Variants in MMP16 observed in about 807,000 individuals in gnomAD.
The protein encoded by MMP16 is matrix metalloproteinase-16.
A neutral mutation model predicts 67.8 loss-of-function variants in MMP16; 12 were observed. The observed-to-expected ratio is 0.18, with a 90% CI of 0.11 to 0.29. The LOEUF (loss-of-function observed/expected upper bound fraction) is 0.29. Ranked by LOEUF, MMP16 falls within the 10% of genes least tolerant of loss-of-function variation. MMP16 has a pLI of 1.00. For synonymous variants in MMP16, 249 were observed against 255.9 expected (o/e 0.97, Z 0.26); for missense variants, 475 against 765.7 (o/e 0.62, Z 4.48).
chr8:88,124,306 T>G (rs926093655), intron 4 of MMP16, among the ~76,000 whole-genome samples: 5 of 151,884 alleles, frequency 3.3e-5, no homozygotes, highest in African/African-American at 1.2e-4. Context: ...CCAAGTAGAG[T>G]ACTAGGTACT....
At position 88,178,122 on chromosome 8, in the gene MMP16, C is replaced by G. The variant is rs189635004; in HGVS notation, c.404+8354G>C. ...CATCAAAGGCTTATTACCTCATTTC[C>G]TATTACTCAATATCTTCCCACTTTC... On this transcript the variant is annotated intron_variant, in intron 3 of 9. Transcript: ENST00000286614. 9.4e-4 allele frequency among the ~76,000 whole-genome samples: 143 copies of G among 152,220 alleles called. 1 individual carries two copies. The highest frequency in any genetic ancestry group is 3.3e-3 in the African/African-American group (139 of 41,550).
chr8:88,118,759 A>C lies in MMP16; in HGVS notation c.812T>G (p.Met271Arg). Residue 271 changes from methionine (M) to arginine (R), a missense_variant, in exon 5 of 10, where the codon ATG (methionine) becomes AGG (arginine). Coordinates refer to ENST00000286614, the MANE Select transcript of MMP16 (RefSeq NM_005941.5). ...AGGTAGTTTGAAGTTGTCTGTTTCC[A>C]TGTACTGGTAAAATGGAGCCATGAT... ...TAIMAPFYQY[M>R]ETDNFKLPND... The C allele has an allele frequency of 6.2e-7, 1 of 1,613,466 alleles. No homozygotes were observed.
chr8:88,239,530 T>A (rs993916178), intron 1 of MMP16, among the ~76,000 whole-genome samples: 4 of 42 alleles, frequency 0.095, no homozygotes, highest in Admixed American at 0.5. Flanking sequence ...TGTTATAAAA[T>A]TTTTTTTTTT....
intron 4 of MMP16, among the ~76,000 whole-genome samples, chr8:88,148,514 T>C (rs1372924434): frequency 6.6e-6 from 1 of 152,214 alleles, no homozygotes; most frequent in Non-Finnish European, 1.5e-5. Flanking sequence ...TGTATCATTT[T>C]GTCCACATCC....
At chr8:88,108,717 A>G (rs1809284144) in intron 6 of MMP16, among the ~76,000 whole-genome samples, 1 of 151,334 alleles carries the variant, frequency 6.6e-6, no homozygotes, top group Non-Finnish European at 1.5e-5. Context: ...TTAGAATCTT[A>G]AAGTGTAAGG....
intron 3 of MMP16, 48 bp from the exon 4 acceptor site, chr8:88,168,021 C>A: frequency 4.2e-6 from 6 of 1,427,668 alleles, no homozygotes; most frequent in Non-Finnish European, 5.7e-6. Flanking sequence ...TATAAGCTAA[C>A]TTAGTACAGG....
At chr8:88,194,820 C>T (rs1809224808) in intron 2 of MMP16, among the ~76,000 whole-genome samples, 1 of 152,062 alleles carries the variant, frequency 6.6e-6, no homozygotes, top group African/African-American at 2.4e-5. Context: ...AAAATCCAAA[C>T]CTGAATTAGA....
At chr8:88,235,203 C>T (rs746904587) in intron 1 of MMP16, among the ~76,000 whole-genome samples, 1 of 152,004 alleles carries the variant, frequency 6.6e-6, no homozygotes, top group African/African-American at 2.4e-5. Flanking sequence ...ACCAGCCTGG[C>T]CAACGTGGTA....
chr8:88,062,425 A>G (rs1808411271), intron 7 of MMP16, among the ~76,000 whole-genome samples: 1 of 152,158 alleles, frequency 6.6e-6, no homozygotes, highest in Non-Finnish European at 1.5e-5. Flanking sequence ...CAACAATGAC[A>G]GACTGGATTA....
chr8:88,049,092 C>T (rs941726551), intron 8 of MMP16, among the ~76,000 whole-genome samples: 2 of 152,168 alleles, frequency 1.3e-5, no homozygotes, highest in African/African-American at 4.8e-5. Context: ...AAAAGGGAAA[C>T]TGTCACAGGT....
intron 1 of MMP16, among the ~76,000 whole-genome samples, chr8:88,314,157 G>C (rs934852179): frequency 3.9e-5 from 6 of 151,980 alleles, no homozygotes; most frequent in Non-Finnish European, 8.8e-5. Context: ...AGTTTATTTT[G>C]TTCTTCACTA....
intron 1 of MMP16, among the ~76,000 whole-genome samples, chr8:88,233,928 A>T (rs896210483): frequency 6.6e-6 from 1 of 152,240 alleles, no homozygotes; most frequent in Non-Finnish European, 1.5e-5. Context: ...CAGTTATTTC[A>T]CAATGATAAT....
chr8:88,271,270 A>G (rs1810558256), intron 1 of MMP16, among the ~76,000 whole-genome samples: 1 of 152,244 alleles, frequency 6.6e-6, no homozygotes, highest in South Asian at 2.1e-4. Flanking sequence ...TAATTTACTA[A>G]GGAATAACAC....
chr8:88,032,356 A>C lies in MMP16; in HGVS notation c.*9105T>G, dbSNP rs947769616. 1 of 152,162 alleles carries C rather than the reference A, an allele frequency of 6.6e-6. No individual in the cohort carries two copies. The highest frequency in any genetic ancestry group is 1.5e-5 in the Non-Finnish European group (1 of 68,018). 9.4% of individuals were successfully genotyped at this position (152,162 alleles called of 1,614,324 possible). On this transcript the variant is annotated 3_prime_UTR_variant, in exon 10 of 10. Transcript: ENST00000286614. ...ACATAAGTACTTTGTGGAAAAGTTC[A>C]GTCATGTTAATGGTCTATAGCAATG...
At chr8:88,125,228 T>C (rs2118455221) in intron 4 of MMP16, among the ~76,000 whole-genome samples, 1 of 151,522 alleles carries the variant, frequency 6.6e-6, no homozygotes, top group Admixed American at 6.6e-5. Context: ...AAAAACAGTA[T>C]TGCTACAATT....
At position 88,122,787 on chromosome 8, in the gene MMP16, A is replaced by G. The variant is rs1172311602; in HGVS notation, c.710-3926T>C. Among the ~76,000 whole-genome samples the G allele has an allele frequency of 2.6e-5, 4 of 151,262 alleles. No homozygotes were observed. In the Admixed American group the frequency reaches 2.7e-4, roughly 10 times the overall value. On this transcript the variant is annotated intron_variant, in intron 4 of 9. Coordinates refer to ENST00000286614, the MANE Select transcript of MMP16 (RefSeq NM_005941.5). Reference sequence around the variant, plus strand: ...CCTCCTGATCTCACACTCACATTGTATCAGGGTTTTATCAGTTTGCCACAG... The same window carrying G: ...CCTCCTGATCTCACACTCACATTGTGTCAGGGTTTTATCAGTTTGCCACAG...
chr8:88,179,590 C>T (rs1306480109), intron 3 of MMP16, among the ~76,000 whole-genome samples: 1 of 151,984 alleles, frequency 6.6e-6, no homozygotes, highest in Non-Finnish European at 1.5e-5. Context: ...ATTGATCTAA[C>T]AATAACTTTT....
chr8:88,045,359 ATC>A (rs1808185598), intron 9 of MMP16, among the ~76,000 whole-genome samples: 1 of 150,440 alleles, frequency 6.6e-6, no homozygotes. Context: ...TCTTTTTCTT[ATC>A]TTTTTGTTTG....
At chr8:88,311,895 G>A (rs756519125) in intron 1 of MMP16, among the ~76,000 whole-genome samples, 3 of 152,070 alleles carry the variant, frequency 2.0e-5, no homozygotes, top group Non-Finnish European at 4.4e-5. Flanking sequence ...TTAAAATAGG[G>A]TTGCAACCCA....
Sources: gnomAD v4.1 joint callset for allele counts (sites outside exome capture counted in the v4.1 genomes callset) on GRCh38, gnomAD v4.1.1 for gene constraint, MANE v1.5 for transcripts, NCBI Gene and HGNC (gene_info 2026-07-23, HGNC 2026-07-21) for gene names.